The following CCBE1 variants were observed in gnomAD, a reference collection of about 807,000 sequenced individuals.
CCBE1 encodes the protein collagen and calcium-binding EGF domain-containing protein 1.
CCBE1 carries 37 observed loss-of-function variants against 50.0 expected under a neutral mutation model. The observed-to-expected ratio is 0.74, with a 90% CI of 0.57 to 0.97. The LOEUF is 0.97. Ranked by LOEUF, CCBE1 falls within the 50% of genes least tolerant of loss-of-function variation. The probability of loss-of-function intolerance (pLI) is 0.00; values close to 1 mark genes in which losing one functional copy is unlikely to be tolerated. For missense variants in CCBE1, 538 were observed against 523.8 expected (o/e 1.03, Z -0.26); for synonymous variants, 234 against 203.7 (o/e 1.15, Z -1.27).
intron 2 of CCBE1, among the ~76,000 whole-genome samples, chr18:59,511,966 C>T (rs971577916): frequency 1.3e-5 from 2 of 152,212 alleles, no homozygotes; most frequent in Admixed American, 1.3e-4. Context: ...TTCTTGTTCA[C>T]ATGAGGCTCA....
At chr18:59,467,013 A>G in intron 4 of CCBE1, 122 bp from the exon 5 acceptor site, 1 of 849,452 alleles carries the variant, frequency 1.2e-6, no homozygotes, top group African/African-American at 1.7e-5. Context: ...GACCTTGATC[A>G]GAGCAGCCTG....
At chr18:59,621,720 C>T (rs9952443) in intron 2 of CCBE1, among the ~76,000 whole-genome samples, 112 of 152,318 alleles carry the variant, frequency 7.4e-4, no homozygotes, top group African/African-American at 2.7e-3. Flanking sequence ...GCCTAACCAC[C>T]CTCTGTCACT....
intron 2 of CCBE1, among the ~76,000 whole-genome samples, chr18:59,557,752 C>T (rs909285597): frequency 6.6e-6 from 1 of 152,174 alleles, no homozygotes; most frequent in Non-Finnish European, 1.5e-5. Context: ...CTTGCTTGAG[C>T]CTGCTCCCAC....
At chr18:59,681,291 G>A (rs60092669) in intron 2 of CCBE1, among the ~76,000 whole-genome samples, 9,680 of 152,178 alleles carry the variant, frequency 0.064, 415 homozygotes, top group African/African-American at 0.11. Context: ...CATAAAATAA[G>A]TACATTCAGA....
At chr18:59,595,287 A>G (rs555770225) in intron 2 of CCBE1, among the ~76,000 whole-genome samples, 1 of 151,864 alleles carries the variant, frequency 6.6e-6, no homozygotes, top group East Asian at 1.9e-4. Flanking sequence ...AGCTTTCACA[A>G]CATTTGGGCT....
chr18:59,654,663 G>A (rs922081680), intron 2 of CCBE1, among the ~76,000 whole-genome samples: 1 of 151,666 alleles, frequency 6.6e-6, no homozygotes. Context: ...ATGGTCGCAC[G>A]CACCTGTAGT....
intron 2 of CCBE1, among the ~76,000 whole-genome samples, chr18:59,692,411 G>C (rs2054744411): frequency 2.0e-5 from 3 of 152,112 alleles, no homozygotes; most frequent in African/African-American, 7.2e-5. Flanking sequence ...AAACCACCAA[G>C]TAGTAGAGCT....
At chr18:59,578,719 G>A (rs572506543) in intron 2 of CCBE1, among the ~76,000 whole-genome samples, 199 of 152,302 alleles carry the variant, frequency 1.3e-3, no homozygotes, top group African/African-American at 4.6e-3. Flanking sequence ...AACACTGCAT[G>A]TTTTCACTTA....
chr18:59,464,157 G>C (rs772932845), intron 5 of CCBE1: 1 of 152,260 alleles, frequency 6.6e-6, no homozygotes, highest in Admixed American at 6.5e-5. Flanking sequence ...AGTAGTCAGG[G>C]CATGGTGGCT....
At chr18:59,668,547 T>C (rs1051149161) in intron 2 of CCBE1, among the ~76,000 whole-genome samples, 3 of 152,120 alleles carry the variant, frequency 2.0e-5, no homozygotes, top group Non-Finnish European at 4.4e-5. Context: ...CTCAGAAAAA[T>C]ATTCATTGAA....
chr18:59,505,949 T>A (rs926501318), intron 2 of CCBE1, among the ~76,000 whole-genome samples: 1 of 152,190 alleles, frequency 6.6e-6, no homozygotes, highest in African/African-American at 2.4e-5. Context: ...GGGCAGGGTG[T>A]TGGGAACCAT....
intron 2 of CCBE1, among the ~76,000 whole-genome samples, chr18:59,656,040 A>C (rs1015570689): frequency 2.6e-5 from 4 of 152,224 alleles, no homozygotes; most frequent in Non-Finnish European, 5.9e-5. Flanking sequence ...TTACCAAAAC[A>C]TGAAGGGGTG....
intron 2 of CCBE1, among the ~76,000 whole-genome samples, chr18:59,571,352 T>C (rs2052911380): frequency 6.6e-6 from 1 of 152,002 alleles, no homozygotes; most frequent in Admixed American, 6.6e-5. Flanking sequence ...CTGGAAACCA[T>C]CATTCTCAGC....
At chr18:59,447,000 C>A (rs148366699) in intron 7 of CCBE1, among the ~76,000 whole-genome samples, 2 of 152,168 alleles carry the variant, frequency 1.3e-5, no homozygotes, top group African/African-American at 4.8e-5. Context: ...GTCTATTGCT[C>A]TATACCTCCA....
At chr18:59,586,971 A>G (rs2053187146) in intron 2 of CCBE1, among the ~76,000 whole-genome samples, 2 of 152,208 alleles carry the variant, frequency 1.3e-5, no homozygotes, top group African/African-American at 4.8e-5. Context: ...GAGGGCAGAT[A>G]TGAAACAGAA....
At chr18:59,507,069 C>A (rs1913908669) in intron 2 of CCBE1, among the ~76,000 whole-genome samples, 2 of 152,288 alleles carry the variant, frequency 1.3e-5, no homozygotes, top group South Asian at 2.1e-4. Flanking sequence ...CCTCTTACTC[C>A]AGCCCAAGTC....
At chr18:59,592,719 T>C (rs2053289606) in intron 2 of CCBE1, among the ~76,000 whole-genome samples, 1 of 152,184 alleles carries the variant, frequency 6.6e-6, no homozygotes, top group Non-Finnish European at 1.5e-5. Flanking sequence ...GAAAATATAT[T>C]GGAGTAAGGA....
intron 2 of CCBE1, among the ~76,000 whole-genome samples, chr18:59,630,761 C>T (rs963372889): frequency 1.3e-5 from 2 of 152,146 alleles, no homozygotes; most frequent in Non-Finnish European, 2.9e-5. Flanking sequence ...GTTTTAAAAC[C>T]ATCACAGGGT....
intron 2 of CCBE1, among the ~76,000 whole-genome samples, chr18:59,503,880 C>T (rs1332352105): frequency 6.6e-6 from 1 of 152,182 alleles, no homozygotes; most frequent in East Asian, 1.9e-4. Context: ...ACACCTTACT[C>T]TCCACCTATG....
Sources: allele counts gnomAD v4.1 joint callset (sites outside exome capture counted in the v4.1 genomes callset), GRCh38; gene constraint gnomAD v4.1.1; transcripts MANE v1.5; gene names NCBI Gene and HGNC (gene_info 2026-07-23, HGNC 2026-07-21).